The following AGAP1 variants were observed in gnomAD, a reference collection of about 807,000 sequenced individuals.
AGAP1 encodes ArfGAP with GTPase domain, ankyrin repeat and PH domain 1.
In AGAP1, 29 loss-of-function variants were observed where a neutral mutation model predicts 105.3. That is an observed-to-expected ratio of 0.28 (90% confidence interval 0.21 to 0.38). The LOEUF (loss-of-function observed/expected upper bound fraction) is 0.38, where lower values mean the gene tolerates loss of function less well. Ranked by LOEUF, AGAP1 falls within the 10% of genes least tolerant of loss-of-function variation. AGAP1 has a pLI of 1.00. For synonymous variants in AGAP1, 509 were observed against 485.9 expected (o/e 1.05, Z -0.63); for missense variants, 998 against 1,165.1 (o/e 0.86, Z 2.09).
intron 6 of AGAP1, among the ~76,000 whole-genome samples, chr2:235,767,348 G>A: frequency 6.6e-6 from 1 of 152,234 alleles, no homozygotes; most frequent in Admixed American, 6.5e-5. Flanking sequence ...CCTTGAATCG[G>A]GAGGCAGGTT....
At chr2:235,786,735 G>C (rs945511958) in intron 6 of AGAP1, among the ~76,000 whole-genome samples, 1 of 152,190 alleles carries the variant, frequency 6.6e-6, no homozygotes, top group African/African-American at 2.4e-5. Context: ...CTAGTTTCTT[G>C]TGCCCTGTGA....
Position 235,955,633 on chromosome 2 carries a change from C to T in AGAP1, c.1484-12829C>T, listed in dbSNP as rs1305637760. The stretch of plus-strand genomic sequence containing the variant: ...AGAAAAGAATCCTATTACTTATCTT[C>T]TATGACATATAACACTCAACCCATG... On this transcript the variant is annotated intron_variant, in intron 12 of 17. Coordinates refer to ENST00000304032, the MANE Select transcript of AGAP1 (RefSeq NM_001037131.3). Among the ~76,000 whole-genome samples, 3 of 152,228 alleles carry T rather than the reference C, an allele frequency of 2.0e-5. 1 individual carries two copies. Among genetic ancestry groups the T allele is most frequent in the South Asian group, 4.1e-4 (2 of 4,830 alleles).
At chr2:236,072,528 T>A (rs1175037731) in intron 16 of AGAP1, 1 of 152,096 alleles carries the variant, frequency 6.6e-6, no homozygotes, top group Non-Finnish European at 1.5e-5. Flanking sequence ...AGCCTTAAAC[T>A]CCTGGGCTCA....
intron 1 of AGAP1, among the ~76,000 whole-genome samples, chr2:235,626,675 A>G (rs1393214207): frequency 6.6e-6 from 1 of 152,234 alleles, no homozygotes; most frequent in Non-Finnish European, 1.5e-5. Context: ...TAACCTGAGT[A>G]ATACTAAAAA....
At position 235,957,166 on chromosome 2, in the gene AGAP1, A is replaced by T. The variant is rs539631222; in HGVS notation, c.1484-11296A>T. On this transcript the variant is annotated intron_variant, in intron 12 of 17. Coordinates refer to ENST00000304032, the MANE Select transcript of AGAP1 (RefSeq NM_001037131.3). The surrounding 1 kb of genome is among the most constrained non-coding windows in gnomAD (Gnocchi z 4.6). ...CTGTTCTTGAATTGGTGGTCAGAAT[A>T]TGTACTTTTTTCTTTGTAAGGCTTT... Among the ~76,000 whole-genome samples the T allele has an allele frequency of 3.3e-5, 5 of 152,270 alleles. No individual in the cohort carries two copies. In the East Asian group the frequency reaches 7.7e-4, roughly 24 times the overall value.
intron 1 of AGAP1, among the ~76,000 whole-genome samples, chr2:235,656,152 C>G (rs538735094): frequency 5.3e-5 from 8 of 152,298 alleles, no homozygotes; most frequent in African/African-American, 1.9e-4. Context: ...CTAATGAGGA[C>G]AAGCAGTAGA....
chr2:235,852,656 G>T, intron 9 of AGAP1: 3 of 1,434,550 alleles, frequency 2.1e-6, no homozygotes, highest in East Asian at 2.7e-5. Flanking sequence ...CAGTTGTGAA[G>T]AATTTTTTTT....
At position 235,577,870 on chromosome 2, in the gene AGAP1, TTG is replaced by T. The variant is rs552450816; in HGVS notation, c.163+83023_163+83024del. 4.5e-4 allele frequency among the ~76,000 whole-genome samples: 69 copies of T among 152,116 alleles called. 1 individual carries two copies. The South Asian group carries it at 0.014, about 30-fold the overall frequency. Reference sequence around the variant, plus strand: ...CTCGCTGGGACCTGATAGTTCGCCTTTGTACGGATGAAAAAAACCAAACACTG... The same window carrying T: ...CTCGCTGGGACCTGATAGTTCGCCTTTACGGATGAAAAAAACCAAACACTG... On this transcript the variant is annotated intron_variant, in intron 1 of 17. Coordinates refer to ENST00000304032, the MANE Select transcript of AGAP1 (RefSeq NM_001037131.3). The surrounding 1 kb of genome is among the most constrained non-coding windows in gnomAD (Gnocchi z 4.5).
chr2:236,015,056 T>C (rs1223671870), intron 13 of AGAP1, among the ~76,000 whole-genome samples: 1 of 152,214 alleles, frequency 6.6e-6, no homozygotes, highest in African/African-American at 2.4e-5. Context: ...TGTTTGTGTG[T>C]TTTATTTTAC....
chr2:235,761,060 G>C (rs1954398120), intron 6 of AGAP1, among the ~76,000 whole-genome samples: 1 of 152,212 alleles, frequency 6.6e-6, no homozygotes, highest in African/African-American at 2.4e-5. Flanking sequence ...TATGAAACAT[G>C]ATAGAGTGAC....
chr2:235,921,447 A>T (rs1238158375), intron 11 of AGAP1, among the ~76,000 whole-genome samples: 1 of 152,194 alleles, frequency 6.6e-6, no homozygotes, highest in Non-Finnish European at 1.5e-5. Context: ...ACTTTTGCCA[A>T]GTATATTTTA....
Position 236,105,674 on chromosome 2 carries a change from ACGC to A in AGAP1, c.2115-14516_2115-14514del, listed in dbSNP as rs2059469657. Among the ~76,000 whole-genome samples, 1 of 57,474 alleles carries A rather than the reference ACGC, an allele frequency of 1.7e-5. No individual in the cohort carries two copies. The highest frequency in any genetic ancestry group is 4.9e-5 in the African/African-American group (1 of 20,586). The allele number at this position is 57,474 out of a possible 152,430, so 37.7% of individuals were successfully genotyped here. ...GGGTTCACACCATTCTCCCGCGTTC[ACGC>A]CATTCTCCCGCGTTCACGCCATTCT... On this transcript the variant is annotated intron_variant, in intron 16 of 17. Coordinates refer to ENST00000304032, the MANE Select transcript of AGAP1 (RefSeq NM_001037131.3). The surrounding 1 kb of genome is among the most constrained non-coding windows in gnomAD (Gnocchi z 4.2).
chr2:235,869,237 G>T (rs2049321049), intron 9 of AGAP1, among the ~76,000 whole-genome samples: 1 of 151,862 alleles, frequency 6.6e-6, no homozygotes, highest in South Asian at 2.1e-4. Flanking sequence ...TCCCCTTACT[G>T]CCGTTTGGGT....
intron 1 of AGAP1, among the ~76,000 whole-genome samples, chr2:235,515,593 T>C (rs906686465): frequency 6.6e-6 from 1 of 152,236 alleles, no homozygotes; most frequent in Non-Finnish European, 1.5e-5. Flanking sequence ...GCATCTGCCC[T>C]TGTTCAGTGT....
rs770160127 is a variant in AGAP1, at chr2:236,020,381, A to G, written c.1646-16180A>G. On this transcript the variant is annotated intron_variant, in intron 13 of 17. Transcript: ENST00000304032. The surrounding 1 kb of genome is among the most constrained non-coding windows in gnomAD (Gnocchi z 5.0). Reference sequence around the variant, plus strand: ...TGTTGCCCATGAAGCATAGGGGGGAATTTAGAAATGAAACTTAACCTGTTA... The same window carrying G: ...TGTTGCCCATGAAGCATAGGGGGGAGTTTAGAAATGAAACTTAACCTGTTA... Among the ~76,000 whole-genome samples the G allele has an allele frequency of 6.6e-6, 1 of 152,214 alleles. No homozygotes were observed. Among genetic ancestry groups the G allele is most frequent in the Non-Finnish European group, 1.5e-5 (1 of 68,038 alleles).
rs749367157 is a variant in AGAP1, at chr2:236,121,046, C to CT, written c.2370+600dup. On this transcript the variant is annotated intron_variant, in intron 17 of 17. Transcript: ENST00000304032. This position sits in a 1 kb window ranked among gnomAD's most constrained non-coding sequence, Gnocchi z 4.9. Reference sequence around the variant, plus strand: ...GAAGCCACGCCCACTTAGGGGCTGCCTGTGGACCCCTGGGGCTTCTGCTGA... The same window carrying CT: ...GAAGCCACGCCCACTTAGGGGCTGCCTTGTGGACCCCTGGGGCTTCTGCTGA... Among the ~76,000 whole-genome samples the CT allele has an allele frequency of 4.6e-5, 7 of 152,218 alleles. No homozygotes were observed. In the South Asian group the frequency reaches 6.2e-4, roughly 13 times the overall value.
intron 6 of AGAP1, among the ~76,000 whole-genome samples, chr2:235,757,810 C>CT (rs1035993965): frequency 6.6e-6 from 1 of 152,158 alleles, no homozygotes; most frequent in African/African-American, 2.4e-5. Flanking sequence ...ATGGCTGCAG[C>CT]TGCCTGGTCC....
At chr2:235,797,942 AG>A (rs1360485120) in intron 7 of AGAP1, 56 bp downstream of exon 7, 9 of 1,591,436 alleles carry the variant, frequency 5.7e-6, no homozygotes, top group Non-Finnish European at 7.7e-6. Context: ...ATATGCAAAT[AG>A]TGTTCCCAGC....
rs1012982019 is a variant in AGAP1 at position 235,747,295 on chromosome 2, T to C, written c.538+2456T>C. Among the ~76,000 whole-genome samples the C allele has an allele frequency of 6.6e-6, 1 of 151,954 alleles. No homozygotes were observed. The highest frequency in any genetic ancestry group is 1.5e-5 in the Non-Finnish European group (1 of 67,992). The stretch of plus-strand genomic sequence containing the variant: ...CCCTGATGAAGTTGAAGTCCTTGAG[T>C]AAAAGAAAGTACCCCCATTTATTCC... On this transcript the variant is annotated intron_variant, in intron 5 of 17. Transcript: ENST00000304032. The surrounding 1 kb of genome is among the most constrained non-coding windows in gnomAD (Gnocchi z 5.0).
Sources: allele counts gnomAD v4.1 joint callset (sites outside exome capture counted in the v4.1 genomes callset), GRCh38; gene constraint gnomAD v4.1.1; non-coding constraint Gnocchi (gnomAD v3.1); transcripts MANE v1.5; gene names NCBI Gene and HGNC (gene_info 2026-07-23, HGNC 2026-07-21).